DOCK5: variants seen among roughly 807,000 people sequenced by gnomAD.
The protein encoded by DOCK5 is dedicator of cytokinesis 5.
DOCK5 carries 142 observed loss-of-function variants against 251.8 expected under a neutral mutation model. The observed-to-expected ratio is 0.56, with a 90% CI of 0.49 to 0.65. The LOEUF is 0.65. Among genes scored for constraint, DOCK5 ranks in the 30% least tolerant of loss-of-function variants. The probability of loss-of-function intolerance (pLI) is 0.00; values close to 1 mark genes in which losing one functional copy is unlikely to be tolerated. For missense variants in DOCK5, 2,111 were observed against 2,312.3 expected, an observed-to-expected ratio of 0.91 and a Z score of 1.79; for synonymous variants, 842 against 835.5, an observed-to-expected ratio of 1.01 and a Z score of -0.13.
intron 1 of DOCK5, among the ~76,000 whole-genome samples, chr8:25,227,977 C>T (rs1349439589): frequency 6.6e-6 from 1 of 152,198 alleles, no homozygotes; most frequent in East Asian, 1.9e-4. Flanking sequence ...CTCCACCTGC[C>T]AGGCTCCAGT....
intron 16 of DOCK5, among the ~76,000 whole-genome samples, chr8:25,322,848 A>G (rs1314495700): frequency 1.3e-5 from 2 of 152,186 alleles, no homozygotes; most frequent in African/African-American, 4.8e-5. Flanking sequence ...AGCCATGTTA[A>G]GGAGGTGCAA....
intron 1 of DOCK5, among the ~76,000 whole-genome samples, chr8:25,215,865 A>G (rs982215851): frequency 6.6e-6 from 1 of 151,760 alleles, no homozygotes; most frequent in African/African-American, 2.4e-5. Flanking sequence ...TGTCATTTCT[A>G]TATTAGATTA....
chr8:25,292,929 G>A (rs1382622485), intron 6 of DOCK5, among the ~76,000 whole-genome samples: 1 of 152,176 alleles, frequency 6.6e-6, no homozygotes, highest in Non-Finnish European at 1.5e-5. Context: ...CAGACTTGCA[G>A]GAGTAGTAAA....
chr8:25,404,868 C>T (rs575479231), intron 48 of DOCK5, among the ~76,000 whole-genome samples: 18 of 152,232 alleles, frequency 1.2e-4, no homozygotes, highest in African/African-American at 4.3e-4. Context: ...AGTTACTCAC[C>T]CTAGCCACCA....
chr8:25,375,176 G>A (rs1021189223), intron 37 of DOCK5: 1 of 214,820 alleles, frequency 4.7e-6, no homozygotes. Flanking sequence ...ACTGAACAAG[G>A]CGGTAACAGG....
intron 13 of DOCK5, among the ~76,000 whole-genome samples, chr8:25,313,452 C>T (rs1221131300): frequency 6.6e-6 from 1 of 152,156 alleles, no homozygotes; most frequent in East Asian, 1.9e-4. Context: ...CCTCACTTTT[C>T]TCTGCTTCTC....
At chr8:25,351,421 C>G in intron 26 of DOCK5, 1 of 308,392 alleles carries the variant, frequency 3.2e-6, no homozygotes, top group South Asian at 3.9e-5. Flanking sequence ...TGGGGGTCCC[C>G]CAAAACTATT....
intron 45 of DOCK5, among the ~76,000 whole-genome samples, chr8:25,396,457 A>C (rs1291903456): frequency 6.6e-6 from 1 of 152,104 alleles, no homozygotes; most frequent in African/African-American, 2.4e-5. Flanking sequence ...AGTTCAACTA[A>C]GTATTCTTAG....
rs1477377934 is a variant in DOCK5 at position 25,369,548 on chromosome 8, A to G, written c.3439-8A>G. On this transcript the variant is annotated splice_region_variant and splice_polypyrimidine_tract_variant and intron_variant, in intron 33 of 51. Coordinates refer to ENST00000276440, the MANE Select transcript of DOCK5 (RefSeq NM_024940.8). ...CATTATCCTGTGAAATTCTGCCTCT[A>G]CTTTCAGTTTGAGAATGAGCTGATC... The G allele has an allele frequency of 1.9e-6, 3 of 1,604,628 alleles. No homozygotes were observed. Among genetic ancestry groups the G allele is most frequent in the Non-Finnish European group, 1.7e-6 (2 of 1,175,378 alleles).
At position 25,310,429 on chromosome 8, in the gene DOCK5, C is replaced by G; in HGVS notation, c.1215C>G (p.Leu405=). 2 of 1,613,574 alleles carry G rather than the reference C, an allele frequency of 1.2e-6. No individual in the cohort carries two copies. Among genetic ancestry groups the G allele is most frequent in the East Asian group, 2.2e-5 (1 of 44,864 alleles). ...KGQGLWVSLK[L]LPGDLTQVQK... ...AAGGCCTTTGGGTATCCTTGAAGCT[C>G]TTGCCCGGTGACCTCACCCAGGTTC... is the stretch of plus-strand genomic sequence containing the variant. The change falls in exon 13 of 52, where the codon CTC becomes CTG. Residue 405 remains leucine, a synonymous_variant. Coordinates refer to ENST00000276440, the MANE Select transcript of DOCK5 (RefSeq NM_024940.8).
chr8:25,391,919 A>T lies in DOCK5; in HGVS notation c.4379A>T (p.Gln1460Leu), dbSNP rs1586389792. 1 of 1,613,932 alleles carries T rather than the reference A, an allele frequency of 6.2e-7. No individual in the cohort carries two copies. The highest frequency in any genetic ancestry group is 2.2e-5 in the East Asian group (1 of 44,866). ...AGCTACTACAGAGCCAATGAAGTGC[A>T]GCAGTTCAGATACTCCCGGCCGTTC... is the stretch of plus-strand genomic sequence containing the variant. The part of the protein sequence containing the change: ...ILNYYRANEV[Q>L]QFRYSRPFRK... The change falls in exon 43 of 52, where the codon CAG becomes CTG. Residue 1460 changes from glutamine to leucine, a missense_variant. This residue lies in a region of DOCK5 where 1,717 missense variants were observed against 1,892.4 expected (regional missense o/e 0.91). Transcript: ENST00000276440.
intron 1 of DOCK5, among the ~76,000 whole-genome samples, chr8:25,222,874 G>T (rs961667472): frequency 6.6e-6 from 1 of 152,138 alleles, no homozygotes; most frequent in East Asian, 1.9e-4. Context: ...TGTCTTGCAC[G>T]CTTGGTGCCC....
intron 44 of DOCK5, among the ~76,000 whole-genome samples, chr8:25,393,508 G>A (rs1454604528): frequency 6.6e-6 from 1 of 152,100 alleles, no homozygotes; most frequent in African/African-American, 2.4e-5. Flanking sequence ...GCACACACAC[G>A]TATGGCCTAA....
At chr8:25,253,153 G>A (rs868184674) in intron 2 of DOCK5, among the ~76,000 whole-genome samples, 1 of 152,156 alleles carries the variant, frequency 6.6e-6, no homozygotes, top group African/African-American at 2.4e-5. Flanking sequence ...CGTGATTCAG[G>A]TATAGGCATA....
chr8:25,286,808 C>T (rs1230434049), intron 5 of DOCK5, among the ~76,000 whole-genome samples: 4 of 152,072 alleles, frequency 2.6e-5, no homozygotes, highest in African/African-American at 9.7e-5. Flanking sequence ...GGACCACAGG[C>T]GTGCACCACC....
chr8:25,329,421 C>T (rs564067874), intron 18 of DOCK5, among the ~76,000 whole-genome samples: 2 of 152,152 alleles, frequency 1.3e-5, no homozygotes, highest in African/African-American at 4.8e-5. Context: ...TTCAAGTATA[C>T]AGTATACAGT....
intron 1 of DOCK5, among the ~76,000 whole-genome samples, chr8:25,239,125 G>C (rs1027752983): frequency 3.4e-4 from 52 of 152,114 alleles, no homozygotes; most frequent in African/African-American, 1.2e-3. Context: ...CCTTGTTCTA[G>C]GCAGAAACAA....
In DOCK5 at chr8:25,413,117, T is replaced by C. The variant is rs1801658941; in HGVS notation, c.*1819T>C. The C allele has an allele frequency of 6.6e-6, 1 of 152,176 alleles. No homozygotes were observed. Among genetic ancestry groups the C allele is most frequent in the Non-Finnish European group, 1.5e-5 (1 of 68,044 alleles). 9.4% of individuals were successfully genotyped at this position (152,176 alleles called of 1,614,324 possible). The stretch of plus-strand genomic sequence containing the variant: ...TATTTGAAATTATCTGAGTTTTCAT[T>C]TTCTCACCTTCCAGAATGGGGATAA... On this transcript the variant is annotated 3_prime_UTR_variant, in exon 52 of 52. Transcript: ENST00000276440.
At chr8:25,196,695 T>G (rs1801735005) in intron 1 of DOCK5, among the ~76,000 whole-genome samples, 1 of 152,228 alleles carries the variant, frequency 6.6e-6, no homozygotes, top group South Asian at 2.1e-4. Context: ...TCAAATCTCA[T>G]TGTACTTAAT....
Sources: gnomAD v4.1 joint callset for allele counts (sites outside exome capture counted in the v4.1 genomes callset) on GRCh38, gnomAD v4.1.1 for gene constraint, gnomAD v4.1.1 regional missense constraint, MANE v1.5 for transcripts, NCBI Gene and HGNC (gene_info 2026-07-23, HGNC 2026-07-21) for gene names.